Variants in FOXP2 observed in about 807,000 individuals in gnomAD.
FOXP2 encodes forkhead box protein P2.
A neutral mutation model predicts 115.8 loss-of-function variants in FOXP2; 12 were observed. The ratio of observed to expected loss-of-function variants is 0.10; its 90% CI spans 0.07 to 0.17. The LOEUF (loss-of-function observed/expected upper bound fraction) is 0.17. Among genes scored for constraint, FOXP2 ranks in the 10% least tolerant of loss-of-function variants. The pLI is 1.00. For missense variants in FOXP2, 629 were observed against 843.5 expected (o/e 0.75, Z 3.15); for synonymous variants, 328 against 297.7 (o/e 1.10, Z -1.05).
intron 1 of FOXP2, among the ~76,000 whole-genome samples, chr7:114,104,046 G>C (rs1416417736): frequency 6.6e-6 from 1 of 151,470 alleles, no homozygotes; most frequent in Non-Finnish European, 1.5e-5. Context: ...CTGTATTTCT[G>C]AGTGTTTAAG....
intron 3 of FOXP2, among the ~76,000 whole-genome samples, chr7:114,599,745 T>A (rs188675518): frequency 0.011 from 1,671 of 152,276 alleles, 34 homozygotes; most frequent in African/African-American, 0.037. Flanking sequence ...TGTCTTTTTT[T>A]AAAAATAAGA....
intron 1 of FOXP2, among the ~76,000 whole-genome samples, chr7:114,176,256 CTCTT>C (rs1793295002): frequency 6.7e-6 from 1 of 149,204 alleles, no homozygotes; most frequent in African/African-American, 2.5e-5. Context: ...TTCTCTCTCT[CTCTT>C]TCCCTTTCTT....
rs1172709673 is a variant in FOXP2, at chr7:114,142,230, G to C, written c.-246-20714G>C. On this transcript the variant is annotated intron_variant, in intron 1 of 19. Transcript: ENST00000635638. ...TAGAGACAGGGGTTTCATCACATTG[G>C]CCAGGCTAATCTCGAACTCCTGACC... Among the ~76,000 whole-genome samples the C allele has an allele frequency of 2.0e-5, 3 of 151,976 alleles. No homozygotes were observed. The East Asian group carries it at 5.8e-4, about 29-fold the overall frequency.
intron 2 of FOXP2, among the ~76,000 whole-genome samples, chr7:114,362,493 AACTT>A (rs1179957842): frequency 1.3e-5 from 2 of 152,130 alleles, no homozygotes; most frequent in African/African-American, 4.8e-5. Context: ...CATGCTAAAC[AACTT>A]ATGGTTATCC....
chr7:114,381,350 T>A (rs2396725), intron 2 of FOXP2, among the ~76,000 whole-genome samples: 1 of 152,080 alleles, frequency 6.6e-6, no homozygotes, highest in African/African-American at 2.4e-5. Flanking sequence ...GGTGGCTTGA[T>A]GGCACAAGAT....
chr7:114,354,065 A>G (rs906985197), intron 2 of FOXP2, among the ~76,000 whole-genome samples: 2 of 152,164 alleles, frequency 1.3e-5, no homozygotes, highest in African/African-American at 4.8e-5. Flanking sequence ...TATACTCACC[A>G]ATCATGTTGG....
chr7:114,589,305 T>C (rs1486104305), intron 3 of FOXP2, among the ~76,000 whole-genome samples: 1 of 152,160 alleles, frequency 6.6e-6, no homozygotes, highest in African/African-American at 2.4e-5. Context: ...CTTATTAATA[T>C]GATTAGTATG....
chr7:114,538,530 G>T, intron 3 of FOXP2: 1 of 414,642 alleles, frequency 2.4e-6, no homozygotes, highest in Admixed American at 3.9e-5. Context: ...GTCTTAAGAA[G>T]TTCAAGAATG....
rs1033365715 is a variant in FOXP2, at chr7:114,592,762, G to A, written c.259-35778G>A. Among the ~76,000 whole-genome samples, 5 of 152,014 alleles carry A rather than the reference G, an allele frequency of 3.3e-5. 1 individual carries two copies. In the South Asian group the frequency reaches 8.3e-4, roughly 25 times the overall value. ...ATATCTAAGAAGATGAAATAATTCA[G>A]CATTCAATTATGTTTAAAATTGGCA... is the stretch of plus-strand genomic sequence containing the variant. On this transcript the variant is annotated intron_variant, in intron 3 of 16. Transcript: ENST00000350908.
chr7:114,685,660 G>A (rs1172187365), intron 16 of FOXP2, among the ~76,000 whole-genome samples: 8 of 152,146 alleles, frequency 5.3e-5, no homozygotes, highest in Non-Finnish European at 8.8e-5. Flanking sequence ...TGATACAGTA[G>A]CAACATTTGG....
At chr7:114,598,616 TGTG>T (rs1802850302) in intron 3 of FOXP2, among the ~76,000 whole-genome samples, 1 of 152,160 alleles carries the variant, frequency 6.6e-6, no homozygotes, top group Non-Finnish European at 1.5e-5. Flanking sequence ...AAAATTTAAT[TGTG>T]GTAAAATGCA....
upstream of FOXP2, among the ~76,000 whole-genome samples, chr7:114,412,739 C>T (rs1469494500): frequency 6.6e-6 from 1 of 152,110 alleles, no homozygotes; most frequent in East Asian, 1.9e-4. Flanking sequence ...ACACTGTCTG[C>T]CAGCCTGAGG....
At position 114,154,327 on chromosome 7, in the gene FOXP2, T is replaced by A. The variant is rs145222807; in HGVS notation, c.-246-8617T>A. ...AACTCAATTGTCAGGGCAATATAGA[T>A]AAGGTGGGTTTTTTTTTTCCACCTC... On this transcript the variant is annotated intron_variant, in intron 1 of 19. Coordinates refer to the FOXP2 transcript ENST00000635638. 7.0e-4 allele frequency among the ~76,000 whole-genome samples: 107 copies of A among 152,098 alleles called. 1 individual carries two copies. In the East Asian group the frequency reaches 0.014, roughly 20 times the overall value.
chr7:114,691,560 T>C lies in FOXP2; in HGVS notation c.*1634T>C, dbSNP rs969003255. 2 of 454,006 alleles carry C rather than the reference T, an allele frequency of 4.4e-6. No homozygotes were observed. Among genetic ancestry groups the C allele is most frequent in the South Asian group, 1.6e-5 (1 of 64,470 alleles). 28.1% of individuals were successfully genotyped at this position (454,006 alleles called of 1,614,324 possible). Reference sequence around the variant, plus strand: ...ACCCCAAAACTATGATAATGAGTTATGATGTAGTTGAAAATAGCATAGTCA... The same window carrying C: ...ACCCCAAAACTATGATAATGAGTTACGATGTAGTTGAAAATAGCATAGTCA... On this transcript the variant is annotated 3_prime_UTR_variant, in exon 17 of 17. Transcript: ENST00000350908.
chr7:114,575,613 A>G (rs748639961), intron 3 of FOXP2, among the ~76,000 whole-genome samples: 1 of 151,876 alleles, frequency 6.6e-6, no homozygotes, highest in Non-Finnish European at 1.5e-5. Context: ...GCCTCACCAG[A>G]CCTAAATGAT....
intron 1 of FOXP2, among the ~76,000 whole-genome samples, chr7:114,206,016 C>T (rs973054043): frequency 3.9e-5 from 6 of 152,134 alleles, no homozygotes; most frequent in African/African-American, 9.7e-5. Flanking sequence ...GATCGCTTGA[C>T]TCCAAGAGTT....
At chr7:114,115,277 T>C (rs757815758) in intron 1 of FOXP2, among the ~76,000 whole-genome samples, 1 of 152,180 alleles carries the variant, frequency 6.6e-6, no homozygotes, top group Non-Finnish European at 1.5e-5. Flanking sequence ...ATTTGTTGAA[T>C]GAATTAATGG....
intron 3 of FOXP2, among the ~76,000 whole-genome samples, chr7:114,586,016 G>T (rs1802113262): frequency 6.6e-6 from 1 of 152,130 alleles, no homozygotes; most frequent in African/African-American, 2.4e-5. Flanking sequence ...TGGGGTGTGT[G>T]TGTGTGTAGT....
chr7:114,552,340 A>G (rs562872593), intron 3 of FOXP2, among the ~76,000 whole-genome samples: 2 of 152,292 alleles, frequency 1.3e-5, no homozygotes, highest in East Asian at 3.9e-4. Flanking sequence ...TACTGACTGT[A>G]TGACCTTCAG....
Sources: gnomAD v4.1 joint callset for allele counts (sites outside exome capture counted in the v4.1 genomes callset) on GRCh38, gnomAD v4.1.1 for gene constraint, MANE v1.5 for transcripts, NCBI Gene and HGNC (gene_info 2026-07-23, HGNC 2026-07-21) for gene names.